The following CCDC125 variants were observed in gnomAD, a reference collection of about 807,000 sequenced individuals.
CCDC125 encodes the protein coiled-coil domain-containing protein 125.
Under a neutral mutation model 57.4 loss-of-function variants are expected in CCDC125, and 43 were observed. That is an observed-to-expected ratio of 0.75 (90% CI 0.59 to 0.97). CCDC125 has a LOEUF of 0.97. Ranked by LOEUF, CCDC125 falls within the 50% of genes least tolerant of loss-of-function variation. The pLI, the probability that CCDC125 is intolerant of heterozygous loss-of-function variation, is 0.00. For synonymous variants in CCDC125, 187 were observed against 195.2 expected (o/e 0.96, Z 0.35); for missense variants, 563 against 595.7 (o/e 0.95, Z 0.57).
At chr5:69,309,651 C>G (rs1333861599) in intron 4 of CCDC125, 3 of 152,218 alleles carry the variant, frequency 2.0e-5, no homozygotes, top group Non-Finnish European at 4.4e-5. Context: ...TTGGAGCCCC[C>G]ACACAGAGTC....
chr5:69,287,735 AT>A (rs35078773), intron 10 of CCDC125, among the ~76,000 whole-genome samples: 52,426 of 143,958 alleles, frequency 0.36, 10,119 homozygotes, highest in East Asian at 0.5. Context: ...ACACTTGGCT[AT>A]TTTTTTTTTT....
intron 1 of CCDC125, among the ~76,000 whole-genome samples, chr5:69,330,596 A>AT (rs1442807379): frequency 6.6e-6 from 1 of 151,390 alleles, no homozygotes; most frequent in African/African-American, 2.4e-5. Flanking sequence ...TCCATCTAAA[A>AT]AAAAAAAATT....
intron 2 of CCDC125, among the ~76,000 whole-genome samples, chr5:69,314,747 C>A (rs1292314540): frequency 6.6e-6 from 1 of 151,778 alleles, no homozygotes; most frequent in Non-Finnish European, 1.5e-5. Context: ...GAGGCTGCAG[C>A]GAGCTATGAC....
chr5:69,299,252 G>A (rs1755946410), intron 8 of CCDC125, among the ~76,000 whole-genome samples: 1 of 152,094 alleles, frequency 6.6e-6, no homozygotes, highest in Admixed American at 6.5e-5. Flanking sequence ...TGGGACTACA[G>A]GCGCCCGCCA....
chr5:69,323,337 A>G (rs1403311300), intron 1 of CCDC125, among the ~76,000 whole-genome samples: 1 of 152,094 alleles, frequency 6.6e-6, no homozygotes, highest in Admixed American at 6.6e-5. Context: ...TAATTTGTTA[A>G]TCAAAAAGGT....
intron 9 of CCDC125, 138 bp downstream of exon 9, chr5:69,294,655 G>A: frequency 4.2e-6 from 3 of 707,180 alleles, no homozygotes; most frequent in East Asian, 5.1e-5. Flanking sequence ...ATAAGTTGAT[G>A]CTATCACATA....
chr5:69,328,475 T>A (rs1191998412), intron 1 of CCDC125, among the ~76,000 whole-genome samples: 1 of 151,406 alleles, frequency 6.6e-6, no homozygotes, highest in Non-Finnish European at 1.5e-5. Context: ...TGAAACCCCA[T>A]CTCAAAAAAT....
chr5:69,325,014 C>T (rs1367542589), intron 1 of CCDC125, among the ~76,000 whole-genome samples: 1 of 152,144 alleles, frequency 6.6e-6, no homozygotes, highest in Non-Finnish European at 1.5e-5. Flanking sequence ...TATATCTTCA[C>T]CACAGTGGCC....
intron 10 of CCDC125, among the ~76,000 whole-genome samples, chr5:69,290,497 T>A (rs1754233258): frequency 6.6e-6 from 1 of 151,434 alleles, no homozygotes; most frequent in African/African-American, 2.4e-5. Context: ...GAGATGGGGT[T>A]TCTCAATGTT....
chr5:69,325,106 G>T (rs1026786407), intron 1 of CCDC125, among the ~76,000 whole-genome samples: 1 of 151,898 alleles, frequency 6.6e-6, no homozygotes, highest in Non-Finnish European at 1.5e-5. Context: ...GGCGGATCAC[G>T]TGAGGTCAGG....
intron 7 of CCDC125, among the ~76,000 whole-genome samples, chr5:69,300,360 C>G (rs1756190764): frequency 6.6e-6 from 1 of 151,998 alleles, no homozygotes; most frequent in African/African-American, 2.4e-5. Context: ...AACTTTGCAA[C>G]TGAAGTCGGA....
intron 3 of CCDC125, 42 bp downstream of exon 3, chr5:69,313,943 C>G (rs1373058311): frequency 7.0e-7 from 1 of 1,425,738 alleles, no homozygotes; most frequent in African/African-American, 1.4e-5. Context: ...GCTGCTGGGA[C>G]CCAGCTAAAC....
chr5:69,312,214 T>G (rs1758274372), intron 3 of CCDC125, among the ~76,000 whole-genome samples: 1 of 152,174 alleles, frequency 6.6e-6, no homozygotes, highest in Non-Finnish European at 1.5e-5. Context: ...TTTCTGCAGC[T>G]ACCAGCCAAG....
intron 4 of CCDC125, chr5:69,310,665 G>A (rs1757988263): frequency 6.5e-6 from 1 of 154,038 alleles, no homozygotes; most frequent in African/African-American, 2.4e-5. Context: ...TAAAAAGGAA[G>A]AAAGTACTGA....
rs761211727 is a variant in CCDC125, at chr5:69,282,681, G to C, written c.*48C>G. 7.0e-7 allele frequency: 1 copy of C among 1,425,424 alleles called. No homozygotes were observed. Among genetic ancestry groups the C allele is most frequent in the Non-Finnish European group, 9.4e-7 (1 of 1,061,030 alleles). 88.3% of individuals were successfully genotyped at this position (1,425,424 alleles called of 1,614,324 possible). ...AAAATTTACAAAATCATTTTTCAAA[G>C]TATCTCGATATAAACAACTCTCAGT... is the stretch of plus-strand genomic sequence containing the variant. On this transcript the variant is annotated 3_prime_UTR_variant, in exon 12 of 12. Transcript: ENST00000396496.
chr5:69,298,644 A>G (rs1182590730), intron 8 of CCDC125, among the ~76,000 whole-genome samples: 1 of 152,140 alleles, frequency 6.6e-6, no homozygotes, highest in African/African-American at 2.4e-5. Flanking sequence ...TCCCGGTGCT[A>G]CTTCCTCACC....
At chr5:69,310,551 A>T (rs982432630) in intron 4 of CCDC125, 4 of 159,446 alleles carry the variant, frequency 2.5e-5, no homozygotes, top group Non-Finnish European at 5.4e-5. Context: ...GTATGTCTTT[A>T]TCAGCAGCAT....
intron 8 of CCDC125, among the ~76,000 whole-genome samples, chr5:69,299,454 C>T (rs1561435133): frequency 2.6e-5 from 4 of 152,222 alleles, no homozygotes; most frequent in Admixed American, 1.3e-4. Flanking sequence ...TATCACTCTA[C>T]TGCTCCATTA....
At chr5:69,332,304 G>A (rs1217571378) in intron 1 of CCDC125, among the ~76,000 whole-genome samples, 2 of 152,142 alleles carry the variant, frequency 1.3e-5, no homozygotes, top group East Asian at 1.9e-4. Context: ...TGTACAATTT[G>A]TCGAAATTAA....
Sources: allele counts gnomAD v4.1 joint callset (sites outside exome capture counted in the v4.1 genomes callset), GRCh38; gene constraint gnomAD v4.1.1; transcripts MANE v1.5; gene names NCBI Gene and HGNC (gene_info 2026-07-23, HGNC 2026-07-21).